The following PCDHA11 variants were observed in gnomAD, a reference collection of about 807,000 sequenced individuals.
PCDHA11 encodes the protein protocadherin alpha 11.
PCDHA11 carries 61 observed loss-of-function variants against 70.3 expected under a neutral mutation model. That is an observed-to-expected ratio of 0.87 (90% CI 0.71 to 1.07). The LOEUF is 1.07. Ranked by LOEUF, PCDHA11 falls within the 50% of genes least tolerant of loss-of-function variation. The pLI, the probability that PCDHA11 is intolerant of heterozygous loss-of-function variation, is 0.00. For synonymous variants in PCDHA11, 633 were observed against 555.1 expected, an observed-to-expected ratio of 1.14 and a Z score of -1.97; for missense variants, 1,324 against 1,237.5, an observed-to-expected ratio of 1.07 and a Z score of -1.05.
In PCDHA11 at chr5:140,925,595, A is replaced by G. The variant is rs145876147; in HGVS notation, c.2392-53354A>G. 2.8e-3 allele frequency among the ~76,000 whole-genome samples: 431 copies of G among 151,786 alleles called. 1 individual carries two copies. Among genetic ancestry groups the G allele is most frequent in the African/African-American group, 9.9e-3 (412 of 41,446 alleles). On this transcript the variant is annotated intron_variant, in intron 1 of 3. Coordinates refer to ENST00000398640, the MANE Select transcript of PCDHA11 (RefSeq NM_018902.5). ...ACACCAACATGGCGCATGTATACAT[A>G]TGTAACAAACCTGCACGTTGTGCAC...
intron 1 of PCDHA11, among the ~76,000 whole-genome samples, chr5:140,948,814 A>G (rs1284322137): frequency 1.3e-5 from 2 of 151,134 alleles, no homozygotes; most frequent in African/African-American, 4.8e-5. Context: ...TTTGGTTTCT[A>G]TTTCATTAAT....
chr5:140,899,848 C>T (rs2067590475), intron 1 of PCDHA11, among the ~76,000 whole-genome samples: 1 of 152,178 alleles, frequency 6.6e-6, no homozygotes, highest in Non-Finnish European at 1.5e-5. Flanking sequence ...TGCTGTGTCA[C>T]CCAGGCTGGA....
In PCDHA11 at chr5:140,869,777, C is replaced by A. The variant is rs184691375; in HGVS notation, c.674C>A (p.Thr225Asn). The change falls in exon 1 of 4, where the codon ACC becomes AAC. Residue 225 changes from threonine to asparagine, a missense_variant. Thr to Asn is a moderately conservative substitution (Grantham distance 65, BLOSUM62 0). Transcript: ENST00000398640. ...TDGGKPELTGTVRLLVQVLDV... is the reference protein window; with the variant it reads ...TDGGKPELTGNVRLLVQVLDV... ...GGGGGAAAACCAGAGCTTACTGGCA[C>A]CGTTCGGCTGTTAGTCCAAGTCTTG... The A allele has an allele frequency of 1.0e-4, 167 of 1,612,982 alleles. 1 individual carries two copies. The highest frequency in any genetic ancestry group is 6.8e-6 in the Non-Finnish European group (8 of 1,179,600).
rs115221257 is a variant in PCDHA11 at position 140,951,407 on chromosome 5, A to G, written c.2392-27542A>G. On this transcript the variant is annotated intron_variant, in intron 1 of 3. Transcript: ENST00000398640. ...GGTAATTTATAAAGAAAAGAGGTTTAATTGGCTCACAGTTCCACAGGCTGT... is the reference window on the plus strand; with the variant it reads ...GGTAATTTATAAAGAAAAGAGGTTTGATTGGCTCACAGTTCCACAGGCTGT... Among the ~76,000 whole-genome samples the G allele has an allele frequency of 4.7e-3, 715 of 152,182 alleles. 3 individuals are homozygous for G. Among genetic ancestry groups the G allele is most frequent in the African/African-American group, 0.015 (625 of 41,530 alleles).
intron 3 of PCDHA11, among the ~76,000 whole-genome samples, chr5:140,983,787 A>G (rs1439684844): frequency 6.6e-6 from 1 of 152,234 alleles, no homozygotes; most frequent in Non-Finnish European, 1.5e-5. Flanking sequence ...ATAACAGATG[A>G]CAGAATGTGT....
At chr5:140,929,590 G>T in intron 1 of PCDHA11, 1 of 426,240 alleles carries the variant, frequency 2.3e-6, no homozygotes, top group Non-Finnish European at 4.2e-6. Context: ...TGACATAAAG[G>T]TCTAAAATTA....
In PCDHA11 at chr5:141,009,782, C is replaced by G; in HGVS notation, c.2695C>G (p.Arg899Gly). ...AGGATCTCCTGCAATCATCTCCATC[C>G]GGCAGGAGCCTACTAACAGCCAAAT... ...IPGSPAIISI[R>G]QEPTNSQIDK... Residue 899 changes from arginine to glycine, a missense_variant, in exon 4 of 4, where the codon CGG becomes GGG. By Grantham distance (125) the Arg-to-Gly change is moderately radical. Transcript: ENST00000398640. 1.2e-6 allele frequency: 2 copies of G among 1,614,074 alleles called. No homozygotes were observed. Among genetic ancestry groups the G allele is most frequent in the Non-Finnish European group, 1.7e-6 (2 of 1,180,012 alleles).
intron 1 of PCDHA11, among the ~76,000 whole-genome samples, chr5:140,959,972 AAAG>A (rs1460302752): frequency 2.0e-5 from 3 of 152,328 alleles, no homozygotes; most frequent in South Asian, 4.1e-4. Flanking sequence ...GATGTTACTG[AAAG>A]AAGAAGTTGG....
intron 1 of PCDHA11, among the ~76,000 whole-genome samples, chr5:140,971,561 A>G (rs367567903): frequency 1.3e-3 from 195 of 152,186 alleles, no homozygotes; most frequent in African/African-American, 4.3e-3. Context: ...TTAAATTCCC[A>G]TGTTGGGCTT....
chr5:140,967,451 G>A, intron 1 of PCDHA11: 2 of 1,613,628 alleles, frequency 1.2e-6, no homozygotes, highest in South Asian at 2.2e-5. Flanking sequence ...GGTTCTCACA[G>A]CCGTGGATGG....
chr5:140,972,660 A>AT (rs11350929), intron 1 of PCDHA11, among the ~76,000 whole-genome samples: 2,691 of 117,234 alleles, frequency 0.023, 50 homozygotes, highest in South Asian at 0.067. Context: ...AAGAAACCAA[A>AT]TTTTTTTTTT....
chr5:140,883,231 G>A, intron 1 of PCDHA11: 1 of 1,613,930 alleles, frequency 6.2e-7, no homozygotes, highest in Non-Finnish European at 8.5e-7. Context: ...TATCCGTGGA[G>A]GCAGTTGACA....
chr5:140,903,721 C>T (rs2070530222), intron 1 of PCDHA11, among the ~76,000 whole-genome samples: 1 of 152,152 alleles, frequency 6.6e-6, no homozygotes, highest in African/African-American at 2.4e-5. Flanking sequence ...ACAATTCTCC[C>T]TATTATCAAT....
Position 140,869,903 on chromosome 5 carries a change from C to G in PCDHA11, c.800C>G (p.Thr267Arg). ...ACTCTTGTGCTCAAACTAAACGCCA[C>G]AGACCGAGACGAAGGAGTCAATGGA... ...KETLVLKLNATDRDEGVNGEV... is the reference protein window; with the variant it reads ...KETLVLKLNARDRDEGVNGEV... Residue 267 changes from threonine to arginine, a missense_variant, in exon 1 of 4, where the codon ACA becomes AGA. Coordinates refer to ENST00000398640, the MANE Select transcript of PCDHA11 (RefSeq NM_018902.5). The G allele has an allele frequency of 6.2e-7, 1 of 1,610,648 alleles. No homozygotes were observed.
chr5:140,881,491 C>A (rs1476916826), intron 1 of PCDHA11: 2 of 285,934 alleles, frequency 7.0e-6, no homozygotes, highest in Non-Finnish European at 1.1e-5. Flanking sequence ...TGTGTTTATG[C>A]ACATACACAC....
chr5:140,930,412 G>T (rs1327423423), intron 1 of PCDHA11: 1 of 148,866 alleles, frequency 6.7e-6, no homozygotes, highest in Non-Finnish European at 1.5e-5. Context: ...TTTTGAGACA[G>T]GGGTCTCACT....
At position 140,924,894 on chromosome 5, in the gene PCDHA11, CA is replaced by C. The variant is rs782133089; in HGVS notation, c.2391+53411del. 4.9e-4 allele frequency among the ~76,000 whole-genome samples: 35 copies of C among 71,496 alleles called. 1 individual carries two copies. Among genetic ancestry groups the C allele is most frequent in the Admixed American group, 2.6e-3 (18 of 6,864 alleles). The allele number at this position is 71,496 out of a possible 152,430, so 46.9% of individuals were successfully genotyped here. On this transcript the variant is annotated intron_variant, in intron 1 of 3. Coordinates refer to ENST00000398640, the MANE Select transcript of PCDHA11 (RefSeq NM_018902.5). Reference sequence around the variant, plus strand: ...TGGGTGACAGAGCAAGAACCTGTCTCAAAAAAAAAAATAAAATAAAATAAAA... The same window carrying C: ...TGGGTGACAGAGCAAGAACCTGTCTCAAAAAAAAAATAAAATAAAATAAAA...
chr5:140,904,134 C>T (rs1583515585), intron 1 of PCDHA11, among the ~76,000 whole-genome samples: 2 of 152,002 alleles, frequency 1.3e-5, no homozygotes, highest in Admixed American at 6.6e-5. Flanking sequence ...ACCCATCACC[C>T]GAGCAGTATA....
In PCDHA11 at chr5:140,870,429, G is replaced by T. The variant is rs1198109995; in HGVS notation, c.1326G>T (p.Val442=). ...PSLWATARVS[V]EVADVNDNAP... Reference sequence around the variant, plus strand: ...TGTGGGCCACGGCCAGGGTATCCGTGGAGGTGGCCGACGTGAACGACAATG... The same window carrying T: ...TGTGGGCCACGGCCAGGGTATCCGTTGAGGTGGCCGACGTGAACGACAATG... Residue 442 remains valine (V), a synonymous_variant, in exon 1 of 4, where the codon GTG becomes GTT. Transcript: ENST00000398640. 1 of 1,614,238 alleles carries T rather than the reference G, an allele frequency of 6.2e-7. No homozygotes were observed. The highest frequency in any genetic ancestry group is 1.3e-5 in the African/African-American group (1 of 75,076).
Sources: allele counts gnomAD v4.1 joint callset (sites outside exome capture counted in the v4.1 genomes callset), GRCh38; gene constraint gnomAD v4.1.1; transcripts MANE v1.5; gene names NCBI Gene and HGNC (gene_info 2026-07-23, HGNC 2026-07-21).